FAT1: variants seen among roughly 807,000 people sequenced by gnomAD.
The protein encoded by FAT1 is protocadherin Fat 1.
In FAT1, 171 loss-of-function variants were observed where a neutral mutation model predicts 329.8. That is an observed-to-expected ratio of 0.52 (90% CI 0.46 to 0.59). The LOEUF (loss-of-function observed/expected upper bound fraction) is 0.59. Ranked by LOEUF, FAT1 falls within the 20% of genes least tolerant of loss-of-function variation. The pLI is 0.00. For missense variants in FAT1, 5,672 were observed against 5,774.4 expected (o/e 0.98, Z 0.57); for synonymous variants, 2,233 against 2,228.6 (o/e 1.00, Z -0.06).
chr4:186,713,090 A>G lies in FAT1; in HGVS notation c.-18-3245T>C, dbSNP rs116558533. ...ATCTCACTTTAGTACATTATACTAGATACAACTAACAAACCAGTACTGACA... is the reference window on the plus strand; with the variant it reads ...ATCTCACTTTAGTACATTATACTAGGTACAACTAACAAACCAGTACTGACA... On this transcript the variant is annotated intron_variant, in intron 1 of 26. Transcript: ENST00000441802. Among the ~76,000 whole-genome samples the G allele has an allele frequency of 5.7e-3, 865 of 151,912 alleles. 9 individuals carry two copies. Among genetic ancestry groups the G allele is most frequent in the African/African-American group, 0.02 (819 of 41,390 alleles).
At position 186,709,565 on chromosome 4, in the gene FAT1, T is replaced by C; in HGVS notation, c.263A>G (p.Tyr88Cys). 1 of 1,614,068 alleles carries C rather than the reference T, an allele frequency of 6.2e-7. No homozygotes were observed. The part of the protein sequence containing the change: ...DSENLFKAEE[Y>C]ILGDFCFLRI... ...TAGAAAGCAAAAGTCTCCGAGAATG[T>C]ACTCTTCAGCTTTGAACAGGTTTTC... Residue 88 changes from tyrosine to cysteine, a missense_variant, in exon 2 of 27, where the codon TAC (tyrosine) becomes TGC (cysteine). Coordinates refer to ENST00000441802, the MANE Select transcript of FAT1 (RefSeq NM_005245.4).
intron 3 of FAT1, among the ~76,000 whole-genome samples, chr4:186,648,111 T>G (rs1037700290): frequency 6.6e-6 from 1 of 152,080 alleles, no homozygotes; most frequent in Non-Finnish European, 1.5e-5. Flanking sequence ...ACAGAAGCTG[T>G]GACACGTTCA....
intron 24 of FAT1, 50 bp from the exon 25 acceptor site, chr4:186,597,221 G>GT: frequency 6.7e-7 from 1 of 1,498,398 alleles, no homozygotes; most frequent in African/African-American, 1.4e-5. Flanking sequence ...ATACGCCAGC[G>GT]TATGTCAGGC....
intron 7 of FAT1, among the ~76,000 whole-genome samples, chr4:186,629,934 C>T (rs1226549888): frequency 6.6e-6 from 1 of 152,210 alleles, no homozygotes; most frequent in Non-Finnish European, 1.5e-5. Context: ...GATTAGATTA[C>T]ATATTCATTT....
intron 2 of FAT1, among the ~76,000 whole-genome samples, chr4:186,674,751 C>T (rs537857068): frequency 3.9e-5 from 6 of 152,220 alleles, no homozygotes; most frequent in South Asian, 2.1e-4. Context: ...TATTAAAAGG[C>T]GGCCAGGTAC....
chr4:186,597,143 C>T lies in FAT1; in HGVS notation c.12397G>A (p.Gly4133Arg), dbSNP rs1332452071. 1 of 1,612,334 alleles carries T rather than the reference C, an allele frequency of 6.2e-7. No individual in the cohort carries two copies. Among genetic ancestry groups the T allele is most frequent in the Non-Finnish European group, 8.5e-7 (1 of 1,179,088 alleles). ...AGGGCCCCGTGCAGGCAAGGGTTTC[C>T]AGAGCACTCGTCGATATCACTCTGA... ...RCQSDIDECSGNPCLHGALCE... is the reference protein window; with the variant it reads ...RCQSDIDECSRNPCLHGALCE... Residue 4133 changes from glycine to arginine, a missense_variant, in exon 25 of 27, where the codon GGA (glycine) becomes AGA (arginine). Gly to Arg is a moderately radical substitution (Grantham distance 125, BLOSUM62 -2). This residue lies in a region of FAT1 where 1,706 missense variants were observed against 1,859.1 expected (regional missense o/e 0.92). Coordinates refer to ENST00000441802, the MANE Select transcript of FAT1 (RefSeq NM_005245.4).
At chr4:186,652,175 T>C (rs924800366) in intron 3 of FAT1, among the ~76,000 whole-genome samples, 1 of 152,180 alleles carries the variant, frequency 6.6e-6, no homozygotes, top group Admixed American at 6.5e-5. Flanking sequence ...ATTGATGGCA[T>C]TAAAACATAA....
Position 186,620,129 on chromosome 4 carries a change from TAAC to T in FAT1, c.6454_6456del (p.Val2152del), listed in dbSNP as rs774496361. ...TTCCCTCCATCTTTTGCAACCACTG[TAAC>T]AAGATATTCTTTATTTAAGGTGTCA... is the stretch of plus-strand genomic sequence containing the variant. On this transcript the variant is annotated inframe_deletion, in exon 10 of 27. Transcript: ENST00000441802. 1 of 1,614,030 alleles carries T rather than the reference TAAC, an allele frequency of 6.2e-7. No homozygotes were observed. Among genetic ancestry groups the T allele is most frequent in the Admixed American group, 1.7e-5 (1 of 60,028 alleles).
chr4:186,648,575 G>A (rs1445361518), intron 3 of FAT1, among the ~76,000 whole-genome samples: 7 of 152,102 alleles, frequency 4.6e-5, no homozygotes, highest in Admixed American at 1.3e-4. Flanking sequence ...GGTCTTTCAC[G>A]ATGCTCTAGC....
At chr4:186,702,203 C>T (rs1744363857) in intron 2 of FAT1, among the ~76,000 whole-genome samples, 1 of 152,244 alleles carries the variant, frequency 6.6e-6, no homozygotes, top group Non-Finnish European at 1.5e-5. Flanking sequence ...TCCTCATTTC[C>T]CTTCCTGTAT....
chr4:186,681,191 G>C (rs1465467308), intron 2 of FAT1, among the ~76,000 whole-genome samples: 1 of 152,024 alleles, frequency 6.6e-6, no homozygotes, highest in Non-Finnish European at 1.5e-5. Flanking sequence ...TCCCAACTCA[G>C]CATTTTAATA....
chr4:186,658,236 C>T (rs969467843), intron 3 of FAT1, among the ~76,000 whole-genome samples: 4 of 152,150 alleles, frequency 2.6e-5, no homozygotes, highest in Non-Finnish European at 2.9e-5. Context: ...ACCCACTGCC[C>T]CCCTACTTGC....
Position 186,603,044 on chromosome 4 carries a change from A to C in FAT1, c.11351-10T>G, listed in dbSNP as rs761953383. Reference sequence around the variant, plus strand: ...GGTGGGCACCTTCCCTCTTCATTCAAAGAGGGGAGAAAGGGAAAAGATAAT... The same window carrying C: ...GGTGGGCACCTTCCCTCTTCATTCACAGAGGGGAGAAAGGGAAAAGATAAT... On this transcript the variant is annotated splice_polypyrimidine_tract_variant and intron_variant, in intron 19 of 26. Coordinates refer to ENST00000441802, the MANE Select transcript of FAT1 (RefSeq NM_005245.4). 15 of 1,613,704 alleles carry C rather than the reference A, an allele frequency of 9.3e-6. No homozygotes were observed. Among genetic ancestry groups the C allele is most frequent in the African/African-American group, 1.3e-5 (1 of 74,874 alleles).
At chr4:186,712,122 T>C (rs542504333) in intron 1 of FAT1, among the ~76,000 whole-genome samples, 43 of 152,350 alleles carry the variant, frequency 2.8e-4, no homozygotes, top group African/African-American at 8.2e-4. Context: ...CATTAAAAGA[T>C]AGCACTCTGT....
Position 186,663,493 on chromosome 4 carries a change from A to C in FAT1, c.3386T>G (p.Val1129Gly), listed in dbSNP as rs2126617919. The C allele has an allele frequency of 2.5e-6, 4 of 1,613,922 alleles. No individual in the cohort carries two copies. The highest frequency in any genetic ancestry group is 3.4e-6 in the Non-Finnish European group (4 of 1,179,886). ...TGGTGCATTGTCATTGACATCCTCA[A>C]CCTCTATGTAGATCTCTATGAACGA... is the stretch of plus-strand genomic sequence containing the variant. ...LSSFIEIYIE[V>G]EDVNDNAPQT... Residue 1129 changes from valine (V) to glycine (G), a missense_variant, in exon 3 of 27, where the codon GTT (valine) becomes GGT (glycine). Around this residue, in one of 2 missense-constraint regions of FAT1, gnomAD observed 3,966 missense variants for 3,915.2 expected, o/e 1.01. Coordinates refer to ENST00000441802, the MANE Select transcript of FAT1 (RefSeq NM_005245.4).
chr4:186,594,606 CA>C (rs1738404643), intron 26 of FAT1, among the ~76,000 whole-genome samples: 1 of 141,500 alleles, frequency 7.1e-6, no homozygotes, highest in Non-Finnish European at 1.5e-5. Context: ...ATTTTGATAC[CA>C]TATATACGGT....
intron 2 of FAT1, among the ~76,000 whole-genome samples, chr4:186,693,245 C>A (rs1743872315): frequency 6.6e-6 from 1 of 152,190 alleles, no homozygotes; most frequent in Non-Finnish European, 1.5e-5. Flanking sequence ...GCACATTTAA[C>A]ATTCAGAAGG....
chr4:186,609,711 C>T (rs1014571996), intron 15 of FAT1, 90 bp downstream of exon 15: 35 of 853,230 alleles, frequency 4.1e-5, no homozygotes, highest in Middle Eastern at 2.3e-4. Flanking sequence ...TTACAAAGGC[C>T]GCTACAAAAA....
At chr4:186,597,600 A>C in intron 24 of FAT1, 82 bp downstream of exon 24, 2 of 919,234 alleles carry the variant, frequency 2.2e-6, no homozygotes, top group Non-Finnish European at 3.5e-6. Flanking sequence ...TGTAGTTCAA[A>C]TCACTGAAGG....
Sources: allele counts gnomAD v4.1 joint callset (sites outside exome capture counted in the v4.1 genomes callset), GRCh38; gene constraint gnomAD v4.1.1; regional missense constraint gnomAD v4.1.1; transcripts MANE v1.5; gene names NCBI Gene and HGNC (gene_info 2026-07-23, HGNC 2026-07-21).